The following CFAP99 variants were observed in gnomAD, a reference collection of about 807,000 sequenced individuals.
CFAP99 encodes the protein cilia- and flagella-associated protein 99.
A neutral mutation model predicts 82.7 loss-of-function variants in CFAP99; 84 were observed. The observed-to-expected ratio is 1.02, with a 90% confidence interval of 0.85 to 1.22. The LOEUF (loss-of-function observed/expected upper bound fraction) is 1.22. CFAP99 is among the 50% of genes most tolerant of loss of function. The pLI is 0.00. For synonymous variants in CFAP99, 456 were observed against 429.5 expected, an observed-to-expected ratio of 1.06 and a Z score of -0.76; for missense variants, 1,059 against 983.5, an observed-to-expected ratio of 1.08 and a Z score of -1.03.
At chr4:2,449,572 C>T in intron 6 of CFAP99, 98 bp from the exon 7 acceptor site, 1 of 1,115,456 alleles carries the variant, frequency 9.0e-7, no homozygotes, top group Non-Finnish European at 1.3e-6. Context: ...CCACCCTCCC[C>T]TTCACCCACA....
intron 5 of CFAP99, 138 bp from the exon 6 acceptor site, chr4:2,444,993 G>C (rs3849664): frequency 0.19 from 94,916 of 497,806 alleles, 9,525 homozygotes; most frequent in South Asian, 0.27. Context: ...TTCGTGAAGT[G>C]AGGCCGTCCA....
At position 2,431,083 on chromosome 4, in the gene CFAP99, T is replaced by C. The variant is rs1298456054; in HGVS notation, c.111+4497T>C. Among the ~76,000 whole-genome samples, 3 of 139,556 alleles carry C rather than the reference T, an allele frequency of 2.1e-5. No individual in the cohort carries two copies. In the East Asian group the frequency reaches 6.6e-4, roughly 31 times the overall value. The allele number at this position is 139,556 out of a possible 152,430, so 91.6% of individuals were successfully genotyped here. A position where few individuals can be genotyped will look rare whatever the true frequency, so the allele number is the denominator to read the frequency against. ...TAAGATCCTGGCTCTTAAAAAAAAA[T>C]GTTGGCCGGGCGCGGTGGCTCATGC... On this transcript the variant is annotated intron_variant, in intron 2 of 14. Transcript: ENST00000635017.
Position 2,448,475 on chromosome 4 carries a change from G to C in CFAP99, c.643-1195G>C, listed in dbSNP as rs897840109. On this transcript the variant is annotated intron_variant, in intron 6 of 14. Coordinates refer to ENST00000635017, the Ensembl canonical transcript of CFAP99. The surrounding 1 kb of genome is among the most constrained non-coding windows in gnomAD (Gnocchi z 5.2). ...AGACATCCTTCTGCTTCAGGGTTGA[G>C]GGCCCACTGTAATTCACTCATTCAT... is the stretch of plus-strand genomic sequence containing the variant. 3.3e-5 allele frequency among the ~76,000 whole-genome samples: 5 copies of C among 152,224 alleles called. No individual in the cohort carries two copies. The highest frequency in any genetic ancestry group is 1.2e-4 in the African/African-American group (5 of 41,464).
At chr4:2,440,107 G>C (rs1378642057) in intron 4 of CFAP99, among the ~76,000 whole-genome samples, 9 of 145,444 alleles carry the variant, frequency 6.2e-5, no homozygotes, top group Admixed American at 2.1e-4. Flanking sequence ...CTCCCAAAGT[G>C]TTGGGATTAC....
chr4:2,451,177 G>A, intron 9 of CFAP99, 87 bp from the exon 10 acceptor site: 1 of 1,483,772 alleles, frequency 6.7e-7, no homozygotes, highest in Non-Finnish European at 9.1e-7. Flanking sequence ...CAGGGGGCAG[G>A]TGTGACGGGC....
At chr4:2,435,362 A>C (rs1249178993) in intron 2 of CFAP99, among the ~76,000 whole-genome samples, 8 of 152,050 alleles carry the variant, frequency 5.3e-5, no homozygotes, top group Non-Finnish European at 1.2e-4. Context: ...ATCTAAAATA[A>C]AAGTAAAATT....
At chr4:2,420,149 C>T (rs1045089307) in intron 1 of CFAP99, among the ~76,000 whole-genome samples, 1 of 151,838 alleles carries the variant, frequency 6.6e-6, no homozygotes, top group Non-Finnish European at 1.5e-5. Context: ...ATCTCCTTGG[C>T]TGGATGCCTC....
intron 2 of CFAP99, 24 bp downstream of exon 2, chr4:2,426,610 G>C: frequency 1.4e-6 from 2 of 1,462,552 alleles, no homozygotes; most frequent in Non-Finnish European, 1.9e-6. Flanking sequence ...GGGGCTGCTG[G>C]GAGGCCACGC....
At chr4:2,443,445 G>A (rs748565742) in intron 5 of CFAP99, among the ~76,000 whole-genome samples, 1 of 152,232 alleles carries the variant, frequency 6.6e-6, no homozygotes, top group Non-Finnish European at 1.5e-5. Flanking sequence ...AGGAAAAGAC[G>A]TGGTCCAACT....
intron 4 of CFAP99, among the ~76,000 whole-genome samples, chr4:2,440,543 G>A (rs1373476642): frequency 6.6e-6 from 1 of 151,918 alleles, no homozygotes; most frequent in African/African-American, 2.4e-5. Flanking sequence ...CTTGAGCCCA[G>A]GAGATCAAGA....
At chr4:2,458,600 G>A in intron 11 of CFAP99, 123 bp from the exon 12 acceptor site, 3 of 1,276,062 alleles carry the variant, frequency 2.4e-6, no homozygotes, top group African/African-American at 1.5e-5. Context: ...TGGGTTCTGG[G>A]GTGATTCAAG....
Position 2,437,035 on chromosome 4 carries a change from TC to T in CFAP99, c.256+21del. The T allele has an allele frequency of 6.5e-7, 1 of 1,535,856 alleles. No individual in the cohort carries two copies. Among genetic ancestry groups the T allele is most frequent in the South Asian group, 1.2e-5 (1 of 84,048 alleles). ...GCTTCGAGGGTAGGTGCCTGGCTGG[TC>T]CCCAGGGCCAGGCCGTAGAGACGGT... On this transcript the variant is annotated intron_variant, in intron 3 of 14. Transcript: ENST00000635017.
At chr4:2,453,852 C>T (rs1362483426) in intron 11 of CFAP99, among the ~76,000 whole-genome samples, 7 of 148,578 alleles carry the variant, frequency 4.7e-5, no homozygotes, top group Admixed American at 3.4e-4. Context: ...CTTGCTCTGT[C>T]GCCCAGGCTG....
chr4:2,460,227 G>C (rs1183282494), exon 14 of CFAP99: 3 of 1,536,144 alleles, frequency 2.0e-6, no homozygotes, highest in African/African-American at 1.4e-5. Flanking sequence ...GCCATGGGGA[G>C]ATCCGCAGCC....
intron 12 of CFAP99, 101 bp from the exon 13 acceptor site, chr4:2,459,006 A>G: frequency 3.5e-6 from 5 of 1,440,736 alleles, no homozygotes. Flanking sequence ...GGCCGCACTG[A>G]GGCCAGAGTC....
At chr4:2,445,986 T>C (rs1189184318) in intron 6 of CFAP99, among the ~76,000 whole-genome samples, 1 of 152,216 alleles carries the variant, frequency 6.6e-6, no homozygotes, top group Non-Finnish European at 1.5e-5. Context: ...AGGAATATAA[T>C]GTCCTGACTG....
In CFAP99 at chr4:2,458,126, C is replaced by T. The variant is rs975360168; in HGVS notation, c.1162-597C>T. On this transcript the variant is annotated intron_variant, in intron 11 of 14. Coordinates refer to ENST00000635017, the Ensembl canonical transcript of CFAP99. ...GCCGTCTCCCTGTGCCATGGTCTGACGCTGTGGCTGCGCGGGGAGGGCCGG... is the reference window on the plus strand; with the variant it reads ...GCCGTCTCCCTGTGCCATGGTCTGATGCTGTGGCTGCGCGGGGAGGGCCGG... 8.5e-5 allele frequency among the ~76,000 whole-genome samples: 13 copies of T among 152,334 alleles called. No individual in the cohort carries two copies. The East Asian group carries it at 2.3e-3, about 27-fold the overall frequency.
At chr4:2,445,085 A>G in intron 5 of CFAP99, 46 bp from the exon 6 acceptor site, 1 of 1,225,582 alleles carries the variant, frequency 8.2e-7, no homozygotes, top group Non-Finnish European at 1.0e-6. Flanking sequence ...CTTATTGAAC[A>G]GCTTAGGGAG....
intron 1 of CFAP99, among the ~76,000 whole-genome samples, chr4:2,422,243 T>G (rs888760258): frequency 7.2e-5 from 11 of 152,332 alleles, no homozygotes; most frequent in Admixed American, 3.3e-4. Flanking sequence ...CACATACACC[T>G]GCTCTGCGCC....
Sources: allele counts gnomAD v4.1 joint callset (sites outside exome capture counted in the v4.1 genomes callset), GRCh38; gene constraint gnomAD v4.1.1; non-coding constraint Gnocchi (gnomAD v3.1); transcripts MANE v1.5; gene names NCBI Gene and HGNC (gene_info 2026-07-23, HGNC 2026-07-21).